PIK3R1: variants seen among roughly 807,000 people sequenced by gnomAD.
PIK3R1 encodes phosphoinositide-3-kinase regulatory subunit 1.
Under a neutral mutation model 98.0 loss-of-function variants are expected in PIK3R1, and 29 were observed. That is an observed-to-expected ratio of 0.30 (90% confidence interval 0.22 to 0.40). The LOEUF (loss-of-function observed/expected upper bound fraction) is 0.40, where lower values mean the gene tolerates loss of function less well. PIK3R1 is among the 10% of genes least tolerant of loss of function. The pLI is 1.00. For missense variants in PIK3R1, 596 were observed against 872.7 expected (o/e 0.68, Z 3.99); for synonymous variants, 282 against 311.8 (o/e 0.90, Z 1.01).
At chr5:68,290,196 C>T (rs1022674329) in intron 7 of PIK3R1, among the ~76,000 whole-genome samples, 17 of 152,130 alleles carry the variant, frequency 1.1e-4, no homozygotes, top group African/African-American at 4.1e-4. Flanking sequence ...AGGAGTAGTC[C>T]GTACTGCTTC....
chr5:68,301,135 G>T lies in PIK3R1; in HGVS notation c.*3534G>T. The T allele has an allele frequency of 4.4e-6, 1 of 226,596 alleles. No individual in the cohort carries two copies. The highest frequency in any genetic ancestry group is 8.8e-6 in the Non-Finnish European group (1 of 113,830). 14.0% of individuals were successfully genotyped at this position (226,596 alleles called of 1,614,324 possible). A position where few individuals can be genotyped will look rare whatever the true frequency, so the allele number is the denominator to read the frequency against. On this transcript the variant is annotated 3_prime_UTR_variant, in exon 16 of 16. Transcript: ENST00000521381. ...ACACTGAGATCTGTTTGAGTTTAGGGTCATTTTTAGAAAGGGGCAGTTTAA... is the reference window on the plus strand; with the variant it reads ...ACACTGAGATCTGTTTGAGTTTAGGTTCATTTTTAGAAAGGGGCAGTTTAA...
At chr5:68,254,744 G>A (rs1305750329) in intron 2 of PIK3R1, among the ~76,000 whole-genome samples, 1 of 151,964 alleles carries the variant, frequency 6.6e-6, no homozygotes, top group Non-Finnish European at 1.5e-5. Context: ...GCTTAGTTAT[G>A]GTTCATACCC....
chr5:68,301,365 T>TATATATATAG lies in PIK3R1; in HGVS notation c.*3766_*3767insATATATAGAT. 1 of 30,022 alleles carries TATATATATAG rather than the reference T, an allele frequency of 3.3e-5. No individual in the cohort carries two copies. Among genetic ancestry groups the TATATATATAG allele is most frequent in the African/African-American group, 1.5e-4 (1 of 6,600 alleles). 1.9% of individuals were successfully genotyped at this position (30,022 alleles called of 1,614,324 possible). Reference sequence around the variant, plus strand: ...TGCTATATATATATATATATATATATATGTGTGTGTGTGTGTGTGTGTGTG... The same window carrying TATATATATAG: ...TGCTATATATATATATATATATATATATATATATAGATGTGTGTGTGTGTGTGTGTGTGTG... On this transcript the variant is annotated 3_prime_UTR_variant, in exon 16 of 16. Coordinates refer to ENST00000521381, the MANE Select transcript of PIK3R1 (RefSeq NM_181523.3).
Position 68,292,785 on chromosome 5 carries a change from G to GT in PIK3R1, c.1020-315dup. 2.4e-6 allele frequency: 3 copies of GT among 1,241,892 alleles called. No individual in the cohort carries two copies. The Middle Eastern group carries it at 9.3e-4, about 387-fold the overall frequency. 76.9% of individuals were successfully genotyped at this position (1,241,892 alleles called of 1,614,324 possible). On this transcript the variant is annotated intron_variant, in intron 8 of 15. Transcript: ENST00000521381. ...TCTGTGCTCATTTGTCAGAGAGATT[G>GT]TAATGTTTGGTTGAAAAAATAAAAA...
chr5:68,219,310 C>T (rs1467246517), intron 1 of PIK3R1, among the ~76,000 whole-genome samples: 1 of 152,190 alleles, frequency 6.6e-6, no homozygotes, highest in South Asian at 2.1e-4. Context: ...AAATAGTTGT[C>T]AGGTTAATGA....
chr5:68,264,783 G>A (rs1258933097), intron 2 of PIK3R1, among the ~76,000 whole-genome samples: 1 of 152,130 alleles, frequency 6.6e-6, no homozygotes, highest in Non-Finnish European at 1.5e-5. Context: ...GTGGGACCTT[G>A]GGCAAGTTGT....
intron 4 of PIK3R1, among the ~76,000 whole-genome samples, chr5:68,277,997 G>A (rs1329126614): frequency 6.6e-6 from 1 of 152,070 alleles, no homozygotes; most frequent in Admixed American, 6.6e-5. Context: ...CCTTCGCATT[G>A]CTAGTGTACA....
rs988053327 is a variant in PIK3R1, at chr5:68,299,132, A to C, written c.*1531A>C. 1.3e-5 allele frequency: 3 copies of C among 233,476 alleles called. No individual in the cohort carries two copies. Among genetic ancestry groups the C allele is most frequent in the Non-Finnish European group, 2.5e-5 (3 of 118,020 alleles). 14.5% of individuals were successfully genotyped at this position (233,476 alleles called of 1,614,324 possible). A position where few individuals can be genotyped will look rare whatever the true frequency, so the allele number is the denominator to read the frequency against. On this transcript the variant is annotated 3_prime_UTR_variant, in exon 16 of 16. Coordinates refer to ENST00000521381, the MANE Select transcript of PIK3R1 (RefSeq NM_181523.3). ...CCAAGTTTGTTTTTGGGTTCCTGGA[A>C]CAGCGCTCACCTTTGTTTAGAACAC...
intron 2 of PIK3R1, among the ~76,000 whole-genome samples, chr5:68,263,407 C>T (rs573298361): frequency 6.6e-6 from 1 of 151,652 alleles, no homozygotes; most frequent in Admixed American, 6.6e-5. Context: ...TAGGGTTCAA[C>T]ATCTGCCCAA....
At chr5:68,228,760 C>T (rs1282068451) in intron 2 of PIK3R1, among the ~76,000 whole-genome samples, 4 of 152,064 alleles carry the variant, frequency 2.6e-5, no homozygotes, top group Non-Finnish European at 5.9e-5. Context: ...ATAAGGGCAC[C>T]TTGTCAAGAT....
chr5:68,235,997 A>G (rs1032509740), intron 2 of PIK3R1, among the ~76,000 whole-genome samples: 7 of 151,660 alleles, frequency 4.6e-5, no homozygotes, highest in Non-Finnish European at 1.0e-4. Flanking sequence ...CAGCCTCCCA[A>G]GTAGCTGGGA....
intron 2 of PIK3R1, among the ~76,000 whole-genome samples, chr5:68,267,486 TGAG>T (rs988207903): frequency 6.6e-6 from 1 of 152,226 alleles, no homozygotes; most frequent in African/African-American, 2.4e-5. Context: ...TTAGGATATC[TGAG>T]GAGATTTGCA....
At chr5:68,296,439 T>G in intron 15 of PIK3R1, 98 bp downstream of exon 15, 3 of 1,183,974 alleles carry the variant, frequency 2.5e-6, no homozygotes, top group Non-Finnish European at 3.6e-6. Flanking sequence ...TGACATAGTT[T>G]TAGTCTTGAA....
chr5:68,263,274 A>C (rs1048934241), intron 2 of PIK3R1, among the ~76,000 whole-genome samples: 1 of 145,192 alleles, frequency 6.9e-6, no homozygotes, highest in Non-Finnish European at 1.5e-5. Flanking sequence ...TAGTTCTGCT[A>C]TATCTATAGG....
At position 68,273,444 on chromosome 5, in the gene PIK3R1, C is replaced by G; in HGVS notation, c.389C>G (p.Pro130Arg). ...TTTGCCCCTCCTGACATTGCCCCGCCTCTTCTTATCAAGCTCGTGGAAGCC... is the reference window on the plus strand; with the variant it reads ...TTTGCCCCTCCTGACATTGCCCCGCGTCTTCTTATCAAGCTCGTGGAAGCC... ...EQFAPPDIAP[P>R]LLIKLVEAIE... The change falls in exon 3 of 16, where the codon CCT becomes CGT. Residue 130 changes from proline to arginine, a missense_variant. Pro to Arg is a moderately radical substitution (Grantham distance 103). This residue lies in a region of PIK3R1 where 352 missense variants were observed against 393.3 expected (regional missense o/e 0.90). Coordinates refer to ENST00000521381, the MANE Select transcript of PIK3R1 (RefSeq NM_181523.3). The G allele has an allele frequency of 6.2e-7, 1 of 1,614,130 alleles. No individual in the cohort carries two copies.
At chr5:68,272,415 A>T (rs934297147) in intron 2 of PIK3R1, among the ~76,000 whole-genome samples, 48 of 152,196 alleles carry the variant, frequency 3.2e-4, no homozygotes, top group African/African-American at 1.1e-3. Context: ...AATGAGGCTA[A>T]TAAACAGGTT....
intron 1 of PIK3R1, among the ~76,000 whole-genome samples, chr5:68,221,854 G>C (rs1744102668): frequency 6.6e-6 from 1 of 152,222 alleles, no homozygotes; most frequent in Admixed American, 6.5e-5. Context: ...ATATGCTTCT[G>C]ATTAATGGGA....
At chr5:68,292,809 A>C in intron 8 of PIK3R1, 1 of 1,136,364 alleles carries the variant, frequency 8.8e-7, no homozygotes, top group Non-Finnish European at 1.2e-6. Flanking sequence ...AAAAAATAAA[A>C]ACTTAGTACC....
In PIK3R1 at chr5:68,298,149, C is replaced by G; in HGVS notation, c.*548C>G. 4.3e-6 allele frequency: 1 copy of G among 231,538 alleles called. No homozygotes were observed. The allele number at this position is 231,538 out of a possible 1,614,324, so 14.3% of individuals were successfully genotyped here. A position where few individuals can be genotyped will look rare whatever the true frequency, so the allele number is the denominator to read the frequency against. On this transcript the variant is annotated 3_prime_UTR_variant, in exon 16 of 16. Coordinates refer to ENST00000521381, the MANE Select transcript of PIK3R1 (RefSeq NM_181523.3). ...TGTAGCAGAAAGGCACGTCCACTCACAAGGGACGCTTTGGGAGAATGTCAG... is the reference window on the plus strand; with the variant it reads ...TGTAGCAGAAAGGCACGTCCACTCAGAAGGGACGCTTTGGGAGAATGTCAG...
Sources: gnomAD v4.1 joint callset for allele counts (sites outside exome capture counted in the v4.1 genomes callset) on GRCh38, gnomAD v4.1.1 for gene constraint, gnomAD v4.1.1 regional missense constraint, MANE v1.5 for transcripts, NCBI Gene and HGNC (gene_info 2026-07-23, HGNC 2026-07-21) for gene names.